Variants in PALM2AKAP2 observed in about 807,000 individuals in gnomAD.
The protein encoded by PALM2AKAP2 is PALM2-AKAP2 fusion protein.
In PALM2AKAP2, 37 loss-of-function variants were observed where a neutral mutation model predicts 71.5. The ratio of observed to expected loss-of-function variants is 0.52; its 90% CI spans 0.40 to 0.68. PALM2AKAP2 has a LOEUF of 0.68. Among genes scored for constraint, PALM2AKAP2 ranks in the 30% least tolerant of loss-of-function variants. PALM2AKAP2 has a pLI of 0.00. For synonymous variants in PALM2AKAP2, 468 were observed against 478.8 expected (o/e 0.98, Z 0.29); for missense variants, 1,224 against 1,191.8 (o/e 1.03, Z -0.40).
chr9:109,815,765 C>T (rs370518202), intron 1 of PALM2AKAP2, among the ~76,000 whole-genome samples: 13 of 152,178 alleles, frequency 8.5e-5, no homozygotes, highest in African/African-American at 3.1e-4. Context: ...TCTTTGTCTC[C>T]CTAAGTGGTG....
At chr9:109,867,050 G>A (rs1375373810) in intron 1 of PALM2AKAP2, 1 of 456,588 alleles carries the variant, frequency 2.2e-6, no homozygotes, top group East Asian at 6.9e-5. Flanking sequence ...ATCTCACCCA[G>A]AATTTCCCAC....
intron 2 of PALM2AKAP2, among the ~76,000 whole-genome samples, chr9:109,876,359 G>C (rs1005636591): frequency 2.6e-5 from 4 of 152,318 alleles, no homozygotes; most frequent in Non-Finnish European, 5.9e-5. Context: ...TCCCCTGAAA[G>C]CATGACTTTG....
chr9:109,737,156 T>C (rs1368355765), intron 1 of PALM2AKAP2, among the ~76,000 whole-genome samples: 1 of 152,220 alleles, frequency 6.6e-6, no homozygotes, highest in Non-Finnish European at 1.5e-5. Context: ...GGATGAGTGC[T>C]CTGGATCATA....
At chr9:109,991,100 C>T (rs1373548318) in intron 6 of PALM2AKAP2, among the ~76,000 whole-genome samples, 1 of 152,146 alleles carries the variant, frequency 6.6e-6, no homozygotes, top group South Asian at 2.1e-4. Flanking sequence ...CAGAGAGCAA[C>T]ATTTCTGCCT....
At chr9:109,923,961 A>G (rs879756554) in intron 4 of PALM2AKAP2, 112 bp downstream of exon 4, 69 of 1,127,028 alleles carry the variant, frequency 6.1e-5, no homozygotes, top group Middle Eastern at 4.1e-4. Context: ...AATCTGAGCC[A>G]CGAACTCTAT....
At chr9:109,719,280 A>C (rs1429266181) in intron 1 of PALM2AKAP2, among the ~76,000 whole-genome samples, 1 of 152,206 alleles carries the variant, frequency 6.6e-6, no homozygotes, top group Non-Finnish European at 1.5e-5. Context: ...AGAGGGCTCT[A>C]GTGAGTGGGT....
intron 3 of PALM2AKAP2, among the ~76,000 whole-genome samples, chr9:109,881,370 C>A (rs1213774385): frequency 2.0e-5 from 3 of 152,176 alleles, no homozygotes; most frequent in Non-Finnish European, 2.9e-5. Flanking sequence ...TCTTTTTCCT[C>A]CTTCGGGTCA....
At chr9:109,682,142 A>G (rs1325298320) in intron 1 of PALM2AKAP2, among the ~76,000 whole-genome samples, 1 of 152,216 alleles carries the variant, frequency 6.6e-6, no homozygotes, top group Non-Finnish European at 1.5e-5. Context: ...AGGAGCCACC[A>G]TCCATGCCAT....
Position 110,088,703 on chromosome 9 carries a change from GTTTTTTTTTTTTT to G in PALM2AKAP2, c.156+39868_156+39880del, listed in dbSNP as rs71373964. Among the ~76,000 whole-genome samples the G allele has an allele frequency of 1.3e-4, 10 of 75,634 alleles. No homozygotes were observed. In the East Asian group the frequency reaches 2.0e-3, roughly 15 times the overall value. 49.6% of individuals were successfully genotyped at this position (75,634 alleles called of 152,430 possible). A position where few individuals can be genotyped will look rare whatever the true frequency, so the allele number is the denominator to read the frequency against. On this transcript the variant is annotated intron_variant, in intron 1 of 3. Transcript: ENST00000374525. ...TAGCTATTAAAGTTTGCATTTACGT[GTTTTTTTTTTTTT>G]TTTTTTTTTTTTTTTTTTTCTGAGA...
At chr9:109,972,997 AG>A (rs1302182289) in intron 6 of PALM2AKAP2, among the ~76,000 whole-genome samples, 2 of 152,222 alleles carry the variant, frequency 1.3e-5, no homozygotes, top group African/African-American at 2.4e-5. Flanking sequence ...AAAAAGACTC[AG>A]TTAATATAGG....
At chr9:109,956,963 T>A (rs1831758066) in intron 6 of PALM2AKAP2, among the ~76,000 whole-genome samples, 1 of 152,132 alleles carries the variant, frequency 6.6e-6, no homozygotes, top group Non-Finnish European at 1.5e-5. Flanking sequence ...AAATAGAAAG[T>A]GACTTGCTCA....
At chr9:110,098,031 C>T (rs1017359607) in intron 1 of PALM2AKAP2, among the ~76,000 whole-genome samples, 2 of 144,606 alleles carry the variant, frequency 1.4e-5, no homozygotes, top group African/African-American at 2.7e-5. Context: ...CGTGGCGGCG[C>T]GTGCCTGCAA....
chr9:109,973,332 A>C (rs1832107515), intron 6 of PALM2AKAP2, among the ~76,000 whole-genome samples: 1 of 152,226 alleles, frequency 6.6e-6, no homozygotes, highest in Non-Finnish European at 1.5e-5. Flanking sequence ...TGCAACAGGC[A>C]ACCCCAGTAA....
chr9:109,998,439 G>A (rs926579747), intron 6 of PALM2AKAP2, among the ~76,000 whole-genome samples: 1 of 152,120 alleles, frequency 6.6e-6, no homozygotes, highest in Non-Finnish European at 1.5e-5. Flanking sequence ...AGGATGGATA[G>A]GAAGGCTGGA....
intron 1 of PALM2AKAP2, among the ~76,000 whole-genome samples, chr9:110,095,127 T>C (rs1351931527): frequency 1.3e-5 from 2 of 152,164 alleles, no homozygotes; most frequent in Non-Finnish European, 2.9e-5. Context: ...GAATGTTAAG[T>C]CCCCTTTTTG....
At chr9:110,167,205 T>C (rs768534898) in intron 3 of PALM2AKAP2, among the ~76,000 whole-genome samples, 2 of 152,218 alleles carry the variant, frequency 1.3e-5, no homozygotes, top group African/African-American at 4.8e-5. Context: ...CAATTCAAGA[T>C]GAGATTTGGG....
At chr9:109,704,075 T>C (rs987240719) in intron 1 of PALM2AKAP2, among the ~76,000 whole-genome samples, 24 of 152,142 alleles carry the variant, frequency 1.6e-4, no homozygotes, top group African/African-American at 5.3e-4. Flanking sequence ...TGAGGGGACA[T>C]CTCTGAGAGA....
exon 4 of PALM2AKAP2, chr9:110,169,793 ATG>A (rs1836814965): frequency 6.6e-6 from 1 of 152,102 alleles, no homozygotes; most frequent in Non-Finnish European, 1.5e-5. Context: ...TGTTTGTAAA[ATG>A]TGTATGTTCA....
At chr9:109,990,441 G>A (rs1168515316) in intron 6 of PALM2AKAP2, among the ~76,000 whole-genome samples, 2 of 152,192 alleles carry the variant, frequency 1.3e-5, no homozygotes, top group Non-Finnish European at 2.9e-5. Flanking sequence ...CAGAACAGGT[G>A]TGGCACAGTG....
Sources: gnomAD v4.1 joint callset for allele counts (sites outside exome capture counted in the v4.1 genomes callset) on GRCh38, gnomAD v4.1.1 for gene constraint, MANE v1.5 for transcripts, NCBI Gene and HGNC (gene_info 2026-07-23, HGNC 2026-07-21) for gene names.